The following RASEF variants were observed in gnomAD, a reference collection of about 807,000 sequenced individuals.
The protein encoded by RASEF is ras and EF-hand domain-containing protein.
A neutral mutation model predicts 90.1 loss-of-function variants in RASEF; 68 were observed. The observed-to-expected ratio is 0.75, with a 90% CI of 0.62 to 0.92. The LOEUF (loss-of-function observed/expected upper bound fraction) is 0.92, where lower values mean the gene tolerates loss of function less well. Among genes scored for constraint, RASEF ranks in the 40% least tolerant of loss-of-function variants. The probability of loss-of-function intolerance (pLI) is 0.00; values close to 1 mark genes in which losing one functional copy is unlikely to be tolerated. For synonymous variants in RASEF, 331 were observed against 345.2 expected (o/e 0.96, Z 0.46); for missense variants, 949 against 937.2 (o/e 1.01, Z -0.16).
chr9:83,014,760 G>C (rs937573747), intron 4 of RASEF, among the ~76,000 whole-genome samples: 1 of 152,160 alleles, frequency 6.6e-6, no homozygotes, highest in African/African-American at 2.4e-5. Flanking sequence ...TCTGCTTTAA[G>C]CATCTCTTCT....
At chr9:83,211,633 A>C in the RASEF span, among the ~76,000 whole-genome samples, 1 of 152,200 alleles carries the variant, frequency 6.6e-6, no homozygotes, top group Non-Finnish European at 1.5e-5. Flanking sequence ...ATATGGTTTC[A>C]GCTTTTTACC....
At chr9:83,181,367 G>A in the RASEF span, among the ~76,000 whole-genome samples, 1 of 151,984 alleles carries the variant, frequency 6.6e-6, no homozygotes, top group Non-Finnish European at 1.5e-5. Flanking sequence ...ATCTCTATAT[G>A]GGAATGAAAT....
At chr9:83,150,650 T>C in the RASEF span, among the ~76,000 whole-genome samples, 1 of 152,200 alleles carries the variant, frequency 6.6e-6, no homozygotes, top group South Asian at 2.1e-4. Context: ...AATCACTTCA[T>C]GTATGAACTA....
At chr9:83,138,926 G>A in the RASEF span, among the ~76,000 whole-genome samples, 4 of 152,202 alleles carry the variant, frequency 2.6e-5, no homozygotes, top group Admixed American at 2.6e-4. Context: ...ACAGCCACGA[G>A]TATTTGAACA....
chr9:83,063,314 G>T (rs556250894), upstream of RASEF: 1 of 176,290 alleles, frequency 5.7e-6, no homozygotes, highest in Admixed American at 6.4e-5. Context: ...GATTCGGGGG[G>T]AGCATTGCCC....
In RASEF at chr9:82,985,253, TG is replaced by T. The variant is rs113500188; in HGVS notation, c.2118-2472del. On this transcript the variant is annotated intron_variant, in intron 16 of 16. Coordinates refer to ENST00000376447, the MANE Select transcript of RASEF (RefSeq NM_152573.4). ...CGTAGCTGGGGAGGCCTCAGAATCA[TG>T]GGGGGAGGCAAAAGACACTTCTTAC... 2.6e-5 allele frequency among the ~76,000 whole-genome samples: 4 copies of T among 152,148 alleles called. No individual in the cohort carries two copies. The East Asian group carries it at 7.7e-4, about 29-fold the overall frequency.
chr9:83,062,595 G>C lies in RASEF; in HGVS notation c.273C>G (p.Ala91=), dbSNP rs771521778. Residue 91 remains alanine, a synonymous_variant, in exon 1 of 17, where the codon GCC becomes GCG. Coordinates refer to ENST00000376447, the MANE Select transcript of RASEF (RefSeq NM_152573.4). Reference sequence around the variant, plus strand: ...GTGTCTCCGGCCCCGCCTCAGACACGGCGGGCGCGGGATCCAGAGGACCCC... The same window carrying C: ...GTGTCTCCGGCCCCGCCTCAGACACCGCGGGCGCGGGATCCAGAGGACCCC... ...RDWGPLDPAP[A]VSEAGPETHD... 2 of 1,571,800 alleles carry C rather than the reference G, an allele frequency of 1.3e-6. No homozygotes were observed. The highest frequency in any genetic ancestry group is 1.7e-6 in the Non-Finnish European group (2 of 1,161,914).
At chr9:83,115,884 TAAA>T in the RASEF span, among the ~76,000 whole-genome samples, 2 of 146,022 alleles carry the variant, frequency 1.4e-5, no homozygotes, top group African/African-American at 5.0e-5. Context: ...GCTAAATTGC[TAAA>T]AAAAAAAGCT....
chr9:83,181,945 C>T, the RASEF span, among the ~76,000 whole-genome samples: 11 of 152,124 alleles, frequency 7.2e-5, no homozygotes, highest in African/African-American at 2.7e-4. Flanking sequence ...CTGCATTGAT[C>T]CACTTTTGGA....
chr9:83,035,781 A>G (rs921461584), intron 1 of RASEF, among the ~76,000 whole-genome samples: 1 of 152,198 alleles, frequency 6.6e-6, no homozygotes, highest in Non-Finnish European at 1.5e-5. Context: ...AAGGAATACA[A>G]TATCAATTTT....
intron 14 of RASEF, 53 bp from the exon 15 acceptor site, chr9:82,993,078 G>A (rs989066052): frequency 2.6e-5 from 41 of 1,584,574 alleles, no homozygotes; most frequent in African/African-American, 1.2e-4. Context: ...GACACATTAC[G>A]ATGACCACAG....
At chr9:83,033,402 T>C (rs1829680339) in intron 1 of RASEF, among the ~76,000 whole-genome samples, 1 of 152,146 alleles carries the variant, frequency 6.6e-6, no homozygotes, top group South Asian at 2.1e-4. Context: ...CCTTGGGGTA[T>C]TCCCTGAAGT....
the RASEF span, among the ~76,000 whole-genome samples, chr9:83,217,730 T>C: frequency 1.6e-4 from 25 of 152,350 alleles, no homozygotes; most frequent in Middle Eastern, 3.4e-3. Context: ...GTCTCAGGTA[T>C]GTCTTTATCA....
intron 1 of RASEF, among the ~76,000 whole-genome samples, chr9:83,027,573 CA>C (rs1829570595): frequency 6.6e-6 from 1 of 152,138 alleles, no homozygotes; most frequent in Admixed American, 6.5e-5. Context: ...TGACAGTCCT[CA>C]TAGTTATTAT....
intron 1 of RASEF, among the ~76,000 whole-genome samples, chr9:83,046,055 T>C (rs1012931970): frequency 1.3e-5 from 2 of 151,960 alleles, no homozygotes; most frequent in South Asian, 4.1e-4. Flanking sequence ...CAAAATCCTA[T>C]ATTTTCATGT....
chr9:83,076,287 A>G, the RASEF span, among the ~76,000 whole-genome samples: 6 of 152,220 alleles, frequency 3.9e-5, no homozygotes, highest in Admixed American at 6.5e-5. Flanking sequence ...GTCTTAGATT[A>G]ACAATGAACC....
intron 6 of RASEF, among the ~76,000 whole-genome samples, chr9:83,009,370 A>C (rs1829197503): frequency 1.3e-5 from 2 of 152,158 alleles, no homozygotes; most frequent in Admixed American, 1.3e-4. Flanking sequence ...CTAACCCTTG[A>C]CACTGTGGTA....
the RASEF span, among the ~76,000 whole-genome samples, chr9:83,209,324 C>T: frequency 1.3e-5 from 2 of 152,206 alleles, no homozygotes; most frequent in Non-Finnish European, 2.9e-5. Flanking sequence ...ACACTTGGCT[C>T]GTGAGAGCTT....
intron 1 of RASEF, among the ~76,000 whole-genome samples, chr9:83,060,720 C>G (rs913869543): frequency 6.6e-6 from 1 of 152,212 alleles, no homozygotes; most frequent in Admixed American, 6.5e-5. Context: ...TGGTAACAAT[C>G]TGATGCAGCA....
Sources: gnomAD v4.1 joint callset for allele counts (sites outside exome capture counted in the v4.1 genomes callset) on GRCh38, gnomAD v4.1.1 for gene constraint, MANE v1.5 for transcripts, NCBI Gene and HGNC (gene_info 2026-07-23, HGNC 2026-07-21) for gene names.